CLEC6A: variants seen among roughly 807,000 people sequenced by gnomAD.
The protein encoded by CLEC6A is C-type lectin domain containing 6A.
In CLEC6A, 22 loss-of-function variants were observed where a neutral mutation model predicts 25.7. The observed-to-expected ratio is 0.85, with a 90% CI of 0.61 to 1.22. The LOEUF is 1.22. CLEC6A is among the 50% of genes most tolerant of loss of function. The pLI is 0.00. For missense variants in CLEC6A, 240 were observed against 236.8 expected, an observed-to-expected ratio of 1.01 and a Z score of -0.09; for synonymous variants, 92 against 76.7, an observed-to-expected ratio of 1.20 and a Z score of -1.04.
intron 4 of CLEC6A, among the ~76,000 whole-genome samples, chr12:8,466,116 G>C (rs763231870): frequency 9.9e-5 from 15 of 152,242 alleles, no homozygotes; most frequent in Non-Finnish European, 1.9e-4. Flanking sequence ...ACCACCAAAA[G>C]TAGTATATAT....
At position 8,456,019 on chromosome 12, in the gene CLEC6A, G is replaced by C; in HGVS notation, c.-93G>C. 8.1e-7 allele frequency: 1 copy of C among 1,231,836 alleles called. No homozygotes were observed. The highest frequency in any genetic ancestry group is 1.2e-5 in the South Asian group (1 of 80,782). The allele number at this position is 1,231,836 out of a possible 1,614,324, so 76.3% of individuals were successfully genotyped here. ...TGTAGCAGTTTGTCCCTGAGCTCTA[G>C]CTTCTTTAAATGAAGCTGAGTCTCT... On this transcript the variant is annotated 5_prime_UTR_variant, in exon 1 of 6. Coordinates refer to ENST00000382073, the MANE Select transcript of CLEC6A (RefSeq NM_001007033.2).
intron 2 of CLEC6A, among the ~76,000 whole-genome samples, chr12:8,459,253 T>C (rs2136356846): frequency 6.6e-6 from 1 of 152,180 alleles, no homozygotes; most frequent in South Asian, 2.1e-4. Flanking sequence ...TTATTTAAAA[T>C]TGTGGGTACA....
chr12:8,461,038 G>A, intron 3 of CLEC6A: 1 of 1,578,056 alleles, frequency 6.3e-7, no homozygotes, highest in Non-Finnish European at 8.6e-7. Flanking sequence ...ATTCTATAAA[G>A]CTATCAGAAG....
In CLEC6A at chr12:8,457,979, G is replaced by A; in HGVS notation, c.113G>A (p.Ser38Asn). 1 of 1,612,014 alleles carries A rather than the reference G, an allele frequency of 6.2e-7. No individual in the cohort carries two copies. The highest frequency in any genetic ancestry group is 8.5e-7 in the Non-Finnish European group (1 of 1,178,132). Residue 38 changes from serine (S) to asparagine (N), a missense_variant, in exon 2 of 6, where the codon AGC (serine) becomes AAC (asparagine). Physicochemically the swap from Ser to Asn is conservative, Grantham distance 46. Transcript: ENST00000382073. ...IALLSACFIVSCVVTYHFTYG... is the reference protein window; with the variant it reads ...IALLSACFIVNCVVTYHFTYG... ...CTCCTCAGTGCTTGCTTCATTGTGA[G>A]CTGTGTAGGTAAGTTCTTCACTGAG... is the stretch of plus-strand genomic sequence containing the variant.
chr12:8,458,009 A>C (rs777034779), intron 2 of CLEC6A, 22 bp downstream of exon 2: 1 of 1,541,074 alleles, frequency 6.5e-7, no homozygotes, highest in South Asian at 1.1e-5. Context: ...ACTGAGGTGC[A>C]TTTTCCTTGC....
Position 8,460,501 on chromosome 12 carries a change from T to C in CLEC6A, c.223+803T>C, listed in dbSNP as rs1023186158. 3.1e-5 allele frequency: 19 copies of C among 617,970 alleles called. No homozygotes were observed. In the African/African-American group the frequency reaches 3.1e-4, roughly 10 times the overall value. 38.3% of individuals were successfully genotyped at this position (617,970 alleles called of 1,614,324 possible). A position where few individuals can be genotyped will look rare whatever the true frequency, so the allele number is the denominator to read the frequency against. ...TCCCTCTCACAGCACGTGGGAATTATGGGAGTACAATTCAAGGTGAGATTT... is the reference window on the plus strand; with the variant it reads ...TCCCTCTCACAGCACGTGGGAATTACGGGAGTACAATTCAAGGTGAGATTT... On this transcript the variant is annotated intron_variant, in intron 3 of 5. Coordinates refer to ENST00000382073, the MANE Select transcript of CLEC6A (RefSeq NM_001007033.2).
At chr12:8,463,259 T>G (rs1394747817) in intron 3 of CLEC6A, among the ~76,000 whole-genome samples, 1 of 152,208 alleles carries the variant, frequency 6.6e-6, no homozygotes, top group East Asian at 1.9e-4. Flanking sequence ...TCATAATTAT[T>G]ATCAGGACAC....
chr12:8,461,307 A>G, intron 3 of CLEC6A: 3 of 545,242 alleles, frequency 5.5e-6, no homozygotes, highest in Non-Finnish European at 9.8e-6. Context: ...AAAGAAAAGA[A>G]AAAGGGAAAG....
At chr12:8,465,931 T>G (rs1207817532) in intron 4 of CLEC6A, among the ~76,000 whole-genome samples, 2 of 152,238 alleles carry the variant, frequency 1.3e-5, no homozygotes, top group Non-Finnish European at 2.9e-5. Context: ...ATTTTTTGAA[T>G]AACCTACTTC....
intron 2 of CLEC6A, among the ~76,000 whole-genome samples, chr12:8,458,678 G>C (rs1939712145): frequency 6.6e-6 from 1 of 152,110 alleles, no homozygotes; most frequent in Non-Finnish European, 1.5e-5. Flanking sequence ...ACAATATTTA[G>C]TAAAATACAA....
At chr12:8,456,487 T>C (rs1939676400) in intron 1 of CLEC6A, among the ~76,000 whole-genome samples, 2 of 152,246 alleles carry the variant, frequency 1.3e-5, no homozygotes, top group South Asian at 4.1e-4. Context: ...AGCAGTACTC[T>C]TTCCAATTAC....
At chr12:8,462,637 T>C (rs145150420) in intron 3 of CLEC6A, among the ~76,000 whole-genome samples, 69 of 149,392 alleles carry the variant, frequency 4.6e-4, no homozygotes, top group African/African-American at 1.6e-3. Flanking sequence ...GATACCTTTG[T>C]TCACGTGTTT....
At chr12:8,461,260 C>T in intron 3 of CLEC6A, 1 of 621,214 alleles carries the variant, frequency 1.6e-6, no homozygotes, top group Non-Finnish European at 2.8e-6. Context: ...AAATTCATAC[C>T]TAATAAGCAA....
At chr12:8,470,807 T>C (rs1260931602) in intron 4 of CLEC6A, among the ~76,000 whole-genome samples, 2 of 151,982 alleles carry the variant, frequency 1.3e-5, no homozygotes, top group African/African-American at 4.8e-5. Context: ...GTACACTGCT[T>C]AGGTATGGGT....
rs751161922 is a variant in CLEC6A, at chr12:8,465,372, G to A, written c.224-112G>A. The A allele has an allele frequency of 6.3e-5, 64 of 1,020,090 alleles. No individual in the cohort carries two copies. The African/African-American group carries it at 9.8e-4, about 16-fold the overall frequency. 63.2% of individuals were successfully genotyped at this position (1,020,090 alleles called of 1,614,324 possible). A position where few individuals can be genotyped will look rare whatever the true frequency, so the allele number is the denominator to read the frequency against. On this transcript the variant is annotated intron_variant, in intron 3 of 5. Coordinates refer to ENST00000382073, the MANE Select transcript of CLEC6A (RefSeq NM_001007033.2). ...TAGGAACCCAAATTCTATAATTCAG[G>A]AAACAGTAAAAACGTGAATTAAGAA... is the stretch of plus-strand genomic sequence containing the variant.
rs117911971 is a variant in CLEC6A at position 8,471,015 on chromosome 12, A to C, written c.370-5110A>C. On this transcript the variant is annotated intron_variant, in intron 4 of 5. Coordinates refer to ENST00000382073, the MANE Select transcript of CLEC6A (RefSeq NM_001007033.2). Reference sequence around the variant, plus strand: ...TGTTTTTATTAGTAAAGGATGTTGTATTTTGTCAAATGGGTTTTATGCACC... The same window carrying C: ...TGTTTTTATTAGTAAAGGATGTTGTCTTTTGTCAAATGGGTTTTATGCACC... Among the ~76,000 whole-genome samples, 72 of 152,132 alleles carry C rather than the reference A, an allele frequency of 4.7e-4. No homozygotes were observed. The East Asian group carries it at 0.012, about 26-fold the overall frequency.
At chr12:8,474,082 C>T (rs952931774) in intron 4 of CLEC6A, among the ~76,000 whole-genome samples, 1 of 151,992 alleles carries the variant, frequency 6.6e-6, no homozygotes, top group African/African-American at 2.4e-5. Flanking sequence ...TTAATTAGGT[C>T]CCACTTGAGA....
chr12:8,461,340 T>C, intron 3 of CLEC6A: 1 of 478,734 alleles, frequency 2.1e-6, no homozygotes, highest in East Asian at 3.9e-5. Context: ...CATAGTTTTC[T>C]TCTCACCTAT....
At chr12:8,474,269 A>G (rs1470770632) in intron 4 of CLEC6A, among the ~76,000 whole-genome samples, 1 of 152,166 alleles carries the variant, frequency 6.6e-6, no homozygotes, top group Non-Finnish European at 1.5e-5. Context: ...GTAGGGGTTC[A>G]GATTTATTCT....
Sources: allele counts gnomAD v4.1 joint callset (sites outside exome capture counted in the v4.1 genomes callset), GRCh38; gene constraint gnomAD v4.1.1; transcripts MANE v1.5; gene names NCBI Gene and HGNC (gene_info 2026-07-23, HGNC 2026-07-21).